SSPN: variants seen among roughly 807,000 people sequenced by gnomAD.
The protein encoded by SSPN is K-ras oncogene-associated protein.
In SSPN, 15 loss-of-function variants were observed where a neutral mutation model predicts 19.1. The ratio of observed to expected loss-of-function variants is 0.78; its 90% CI spans 0.52 to 1.21. The LOEUF is 1.21. Ranked by LOEUF, SSPN falls within the 50% of genes most tolerant of loss-of-function variation. The pLI is 0.00. For missense variants in SSPN, 291 were observed against 314.0 expected (o/e 0.93, Z 0.55); for synonymous variants, 147 against 140.3 (o/e 1.05, Z -0.34).
chr12:26,190,488 T>C (rs1944780587), upstream of SSPN, among the ~76,000 whole-genome samples: 1 of 152,202 alleles, frequency 6.6e-6, no homozygotes, highest in Non-Finnish European at 1.5e-5. Flanking sequence ...GTCTTTCAGC[T>C]GAGAGTCGAG....
At chr12:26,203,041 T>C (rs1290702727) in intron 1 of SSPN, among the ~76,000 whole-genome samples, 2 of 152,162 alleles carry the variant, frequency 1.3e-5, no homozygotes, top group African/African-American at 4.8e-5. Flanking sequence ...CTGCCACTTA[T>C]AAGCCATCAG....
chr12:26,142,574 C>T lies in SSPN; in HGVS notation c.-31+20422C>T, dbSNP rs139810049. On this transcript the variant is annotated intron_variant, in intron 1 of 2. Coordinates refer to the SSPN transcript ENST00000538142. ...AGATTTCACTGTGACAAGTTTGTGA[C>T]GTACCATGGGTGGAAGAGGCATCTC... 3.0e-3 allele frequency among the ~76,000 whole-genome samples: 457 copies of T among 152,210 alleles called. 1 individual carries two copies. The highest frequency in any genetic ancestry group is 0.01 in the Middle Eastern group (3 of 294).
chr12:26,216,836 T>C, intron 1 of SSPN, among the ~76,000 whole-genome samples: 1 of 119,014 alleles, frequency 8.4e-6, no homozygotes, highest in East Asian at 2.6e-4. Flanking sequence ...TAGGGAATCC[T>C]TTCCCCATTG....
At chr12:26,158,714 C>A (rs112391044) in intron 1 of SSPN, among the ~76,000 whole-genome samples, 1 of 152,268 alleles carries the variant, frequency 6.6e-6, no homozygotes, top group Non-Finnish European at 1.5e-5. Flanking sequence ...GCTCCTGCAG[C>A]AGACCCCTGG....
intron 1 of SSPN, among the ~76,000 whole-genome samples, chr12:26,167,906 A>G (rs769455739): frequency 1.3e-5 from 2 of 152,180 alleles, no homozygotes; most frequent in Non-Finnish European, 2.9e-5. Flanking sequence ...TTTAAGACAT[A>G]GAAGGATGAA....
At chr12:26,122,769 C>T in intron 1 of SSPN, 1 of 1,590,190 alleles carries the variant, frequency 6.3e-7, no homozygotes, top group Non-Finnish European at 8.5e-7. Context: ...GCGGTCCGGC[C>T]GGGCCTCGGC....
In SSPN at chr12:26,221,045, T is replaced by G. The variant is rs115014817; in HGVS notation, c.280-3248T>G. Among the ~76,000 whole-genome samples, 671 of 152,354 alleles carry G rather than the reference T, an allele frequency of 4.4e-3. 2 individuals carry two copies. Among genetic ancestry groups the G allele is most frequent in the African/African-American group, 0.015 (607 of 41,578 alleles). ...AAAGTCAGCCATGCCCTTCTGCTGCTGAAAATGTCCTAGTTGAAATCAAAG... is the reference window on the plus strand; with the variant it reads ...AAAGTCAGCCATGCCCTTCTGCTGCGGAAAATGTCCTAGTTGAAATCAAAG... On this transcript the variant is annotated intron_variant, in intron 1 of 2. Transcript: ENST00000242729.
chr12:26,124,713 C>T (rs1287695757), intron 1 of SSPN: 17 of 1,614,054 alleles, frequency 1.1e-5, no homozygotes, highest in Non-Finnish European at 1.4e-5. Flanking sequence ...GTGCGTGCAC[C>T]TTACCCTATA....
intron 1 of SSPN, chr12:26,134,970 G>A (rs1437606944): frequency 5.9e-5 from 9 of 152,330 alleles, no homozygotes; most frequent in Non-Finnish European, 1.3e-4. Context: ...GTTTGTCATT[G>A]TACCAGGATT....
intron 1 of SSPN, among the ~76,000 whole-genome samples, chr12:26,129,073 C>T (rs1345594460): frequency 1.3e-5 from 2 of 152,176 alleles, no homozygotes; most frequent in Non-Finnish European, 2.9e-5. Context: ...GCAAGCCCTA[C>T]TGCCCTTCTG....
Position 26,179,778 on chromosome 12 carries a change from T to A in SSPN, c.-30-44515T>A, listed in dbSNP as rs117040498. ...GTTTCTCTTAGTTTCAGGCTACCTC[T>A]TGAAGAGGCAACAGACACAACTGAG... On this transcript the variant is annotated intron_variant, in intron 1 of 2. Coordinates refer to the SSPN transcript ENST00000538142. Among the ~76,000 whole-genome samples, 77 of 152,270 alleles carry A rather than the reference T, an allele frequency of 5.1e-4. No individual in the cohort carries two copies. In the East Asian group the frequency reaches 0.013, roughly 27 times the overall value.
At chr12:26,190,728 A>G (rs1008530484), upstream of SSPN, among the ~76,000 whole-genome samples, 12 of 152,200 alleles carry the variant, frequency 7.9e-5, no homozygotes, top group African/African-American at 2.9e-4. Flanking sequence ...TTACTGAGGG[A>G]CATCCAGTGA....
chr12:26,122,584 C>G, intron 1 of SSPN: 1 of 1,104,658 alleles, frequency 9.1e-7, no homozygotes, highest in Non-Finnish European at 1.1e-6. Context: ...GCGGCCGCGG[C>G]GGCAGGGTCG....
chr12:26,122,430 T>G, intron 1 of SSPN: 1 of 1,345,210 alleles, frequency 7.4e-7, no homozygotes, highest in South Asian at 1.7e-5. Context: ...GGGCTGCACG[T>G]AGGCGGCAGC....
At chr12:26,155,529 G>A (rs1005356633) in intron 1 of SSPN, among the ~76,000 whole-genome samples, 1 of 152,164 alleles carries the variant, frequency 6.6e-6, no homozygotes, top group Non-Finnish European at 1.5e-5. Context: ...TTAAAAAAGA[G>A]TCTTTAGGCA....
intron 1 of SSPN, among the ~76,000 whole-genome samples, chr12:26,157,925 A>G (rs1047831124): frequency 2.6e-5 from 4 of 152,144 alleles, no homozygotes; most frequent in Non-Finnish European, 5.9e-5. Flanking sequence ...AAGTATTTTT[A>G]TAGGGAAAAC....
intron 1 of SSPN, among the ~76,000 whole-genome samples, chr12:26,161,882 C>G (rs2343865): frequency 1.3e-5 from 2 of 152,038 alleles, no homozygotes; most frequent in Non-Finnish European, 2.9e-5. Context: ...ACTGATTTGA[C>G]AGAAGTGGGA....
At chr12:26,156,998 A>C (rs565665541) in intron 1 of SSPN, among the ~76,000 whole-genome samples, 145 of 152,340 alleles carry the variant, frequency 9.5e-4, no homozygotes, top group Non-Finnish European at 1.7e-3. Flanking sequence ...TCTAATGGTA[A>C]ATTTGAGGTA....
intron 1 of SSPN, among the ~76,000 whole-genome samples, chr12:26,150,478 A>G (rs946488734): frequency 6.6e-6 from 1 of 152,194 alleles, no homozygotes; most frequent in African/African-American, 2.4e-5. Context: ...TGGAATGACT[A>G]CATTGTTTCT....
Sources: gnomAD v4.1 joint callset for allele counts (sites outside exome capture counted in the v4.1 genomes callset) on GRCh38, gnomAD v4.1.1 for gene constraint, MANE v1.5 for transcripts, NCBI Gene and HGNC (gene_info 2026-07-23, HGNC 2026-07-21) for gene names.